Variants in SMIM14 observed in about 807,000 individuals in gnomAD.
SMIM14 encodes the protein chromosome 4 open reading frame 34.
A neutral mutation model predicts 12.6 loss-of-function variants in SMIM14; 5 were observed. The ratio of observed to expected loss-of-function variants is 0.40; its 90% CI spans 0.21 to 0.83. The LOEUF (loss-of-function observed/expected upper bound fraction) is 0.83. SMIM14 is among the 40% of genes least tolerant of loss of function. The probability of loss-of-function intolerance (pLI) is 0.37; values close to 1 mark genes in which losing one functional copy is unlikely to be tolerated. For synonymous variants in SMIM14, 30 were observed against 40.1 expected, an observed-to-expected ratio of 0.75 and a Z score of 0.95; for missense variants, 86 against 119.1, an observed-to-expected ratio of 0.72 and a Z score of 1.29.
At chr4:39,593,185 C>T (rs1714190369) in intron 2 of SMIM14, 1 of 152,046 alleles carries the variant, frequency 6.6e-6, no homozygotes, top group Non-Finnish European at 1.5e-5. Flanking sequence ...TCCAGCAGCA[C>T]ATCAAAAAGC....
At chr4:39,567,465 A>G (rs1182548955) in intron 3 of SMIM14, among the ~76,000 whole-genome samples, 3 of 151,998 alleles carry the variant, frequency 2.0e-5, no homozygotes, top group Non-Finnish European at 2.9e-5. Context: ...TAGGCCGGGC[A>G]TGGTGGCTCA....
At chr4:39,618,696 A>C (rs1472173728) in intron 1 of SMIM14, among the ~76,000 whole-genome samples, 2 of 151,552 alleles carry the variant, frequency 1.3e-5, no homozygotes, top group Non-Finnish European at 2.9e-5. Flanking sequence ...CAGTGTAATG[A>C]AACTCACTCA....
At chr4:39,596,680 C>G (rs867806619) in intron 2 of SMIM14, among the ~76,000 whole-genome samples, 1 of 152,188 alleles carries the variant, frequency 6.6e-6, no homozygotes, top group Non-Finnish European at 1.5e-5. Context: ...TTTGCAAAAA[C>G]ATTGTACTGA....
chr4:39,611,288 C>T (rs1361181204), intron 1 of SMIM14, among the ~76,000 whole-genome samples: 1 of 152,140 alleles, frequency 6.6e-6, no homozygotes, highest in African/African-American at 2.4e-5. Context: ...GGCAGATCAC[C>T]TGAGGTCAGG....
At position 39,603,960 on chromosome 4, in the gene SMIM14, G is replaced by A. The variant is rs1028082259; in HGVS notation, c.75+1111C>T. ...CAGGAGGTGGAGGTTGCAGTGAGCC[G>A]AGATCGCACCACCGCATTCCAGCCT... On this transcript the variant is annotated intron_variant, in intron 2 of 4. Transcript: ENST00000295958. Among the ~76,000 whole-genome samples the A allele has an allele frequency of 2.2e-4, 33 of 149,580 alleles. No homozygotes were observed. In the East Asian group the frequency reaches 3.2e-3, roughly 15 times the overall value.
intron 2 of SMIM14, among the ~76,000 whole-genome samples, chr4:39,576,815 G>A (rs1332325806): frequency 7.0e-6 from 1 of 143,226 alleles, no homozygotes; most frequent in East Asian, 2.2e-4. Context: ...GGGTTCAAGC[G>A]ATTCTCCTGC....
At chr4:39,582,933 C>T (rs533153099) in intron 2 of SMIM14, among the ~76,000 whole-genome samples, 2 of 152,142 alleles carry the variant, frequency 1.3e-5, no homozygotes, top group South Asian at 4.1e-4. Flanking sequence ...GCTGGGATTA[C>T]AGGCACCCAC....
chr4:39,567,658 A>T lies in SMIM14; in HGVS notation c.124+4757T>A, dbSNP rs1025750138. On this transcript the variant is annotated intron_variant, in intron 3 of 4. Coordinates refer to ENST00000295958, the MANE Select transcript of SMIM14 (RefSeq NM_174921.3). ...AGGCTGAGGCAGGAGAATCGCTTGAACCTGGGAGGTGGAGGTTGCAGTGAG... is the reference window on the plus strand; with the variant it reads ...AGGCTGAGGCAGGAGAATCGCTTGATCCTGGGAGGTGGAGGTTGCAGTGAG... Among the ~76,000 whole-genome samples, 5 of 151,814 alleles carry T rather than the reference A, an allele frequency of 3.3e-5. No homozygotes were observed. In the East Asian group the frequency reaches 5.8e-4, roughly 18 times the overall value.
intron 2 of SMIM14, among the ~76,000 whole-genome samples, chr4:39,601,160 G>A (rs1714596959): frequency 6.6e-6 from 1 of 152,064 alleles, no homozygotes; most frequent in Non-Finnish European, 1.5e-5. Flanking sequence ...CCTTGGCAAA[G>A]CTCATCTATT....
At chr4:39,578,650 C>G (rs1452246312) in intron 2 of SMIM14, among the ~76,000 whole-genome samples, 1 of 152,030 alleles carries the variant, frequency 6.6e-6, no homozygotes, top group African/African-American at 2.4e-5. Flanking sequence ...TTCGATCTCC[C>G]CATCTAAACA....
At chr4:39,621,727 C>G (rs1296158889) in intron 1 of SMIM14, among the ~76,000 whole-genome samples, 2 of 125,518 alleles carry the variant, frequency 1.6e-5, no homozygotes, top group African/African-American at 5.9e-5. Flanking sequence ...GGCTCTTGCT[C>G]TGTCACCCAG....
At chr4:39,633,066 G>C (rs1214812867) in intron 1 of SMIM14, among the ~76,000 whole-genome samples, 1 of 151,912 alleles carries the variant, frequency 6.6e-6, no homozygotes, top group African/African-American at 2.4e-5. Context: ...GGCCCAGACA[G>C]GTGGATCACC....
At chr4:39,605,796 A>C (rs1247408445) in intron 1 of SMIM14, among the ~76,000 whole-genome samples, 1 of 152,194 alleles carries the variant, frequency 6.6e-6, no homozygotes, top group Non-Finnish European at 1.5e-5. Flanking sequence ...GCTGGAGTGC[A>C]GTGATACGAT....
chr4:39,630,867 CAAAA>C (rs11451806), intron 1 of SMIM14, among the ~76,000 whole-genome samples: 3 of 53,868 alleles, frequency 5.6e-5, no homozygotes, highest in African/African-American at 6.7e-5. Flanking sequence ...AAAACCCTGT[CAAAA>C]AAAAAAAAAA....
chr4:39,610,223 G>T (rs1714974239), intron 1 of SMIM14, among the ~76,000 whole-genome samples: 2 of 152,130 alleles, frequency 1.3e-5, no homozygotes, highest in African/African-American at 4.8e-5. Flanking sequence ...TTGAGCTCAA[G>T]TGATCCTCCC....
intron 1 of SMIM14, among the ~76,000 whole-genome samples, chr4:39,607,582 T>G (rs1714860303): frequency 1.3e-5 from 2 of 152,140 alleles, no homozygotes; most frequent in Non-Finnish European, 2.9e-5. Flanking sequence ...TAGTGAGACC[T>G]CATCTCTGTA....
intron 2 of SMIM14, among the ~76,000 whole-genome samples, chr4:39,591,675 C>A (rs1199792744): frequency 6.6e-6 from 1 of 152,076 alleles, no homozygotes; most frequent in Non-Finnish European, 1.5e-5. Flanking sequence ...CATGTCTCAG[C>A]CTCCCAAGTA....
chr4:39,638,745 AGAC>A lies in SMIM14; in HGVS notation c.-45_-43del, dbSNP rs1578378032. On this transcript the variant is annotated 5_prime_UTR_variant, in exon 1 of 5. Transcript: ENST00000295958. The stretch of plus-strand genomic sequence containing the variant: ...GAGAGGGGGAGACACTCACCCGCCC[AGAC>A]AACAACCGATGGGGCGGGGAGGATG... 3.0e-6 allele frequency: 3 copies of A among 985,474 alleles called. No homozygotes were observed. Among genetic ancestry groups the A allele is most frequent in the Non-Finnish European group, 3.6e-6 (3 of 829,980 alleles). The allele number at this position is 985,474 out of a possible 1,614,324, so 61.0% of individuals were successfully genotyped here.
rs931059072 is a variant in SMIM14 at position 39,551,797 on chromosome 4, A to G, written c.*329T>C. On this transcript the variant is annotated 3_prime_UTR_variant, in exon 5 of 5. Coordinates refer to ENST00000295958, the MANE Select transcript of SMIM14 (RefSeq NM_174921.3). ...ATGCAGACCTCTCAAATTTCCTTCAATCAGGCCAGAAATTATCACAAAAAT... is the reference window on the plus strand; with the variant it reads ...ATGCAGACCTCTCAAATTTCCTTCAGTCAGGCCAGAAATTATCACAAAAAT... 3 of 195,284 alleles carry G rather than the reference A, an allele frequency of 1.5e-5. No individual in the cohort carries two copies. Among genetic ancestry groups the G allele is most frequent in the African/African-American group, 6.9e-5 (3 of 43,182 alleles). 12.1% of individuals were successfully genotyped at this position (195,284 alleles called of 1,614,324 possible).
Sources: allele counts gnomAD v4.1 joint callset (sites outside exome capture counted in the v4.1 genomes callset), GRCh38; gene constraint gnomAD v4.1.1; transcripts MANE v1.5; gene names NCBI Gene and HGNC (gene_info 2026-07-23, HGNC 2026-07-21).